Variants in PCDH9 observed in about 807,000 individuals in gnomAD.
The protein encoded by PCDH9 is protocadherin 9.
Under a neutral mutation model 70.6 loss-of-function variants are expected in PCDH9, and 24 were observed. That is an observed-to-expected ratio of 0.34 (90% CI 0.25 to 0.48). PCDH9 has a LOEUF of 0.48. PCDH9 is among the 20% of genes least tolerant of loss of function. PCDH9 has a pLI of 0.99. For synonymous variants in PCDH9, 562 were observed against 558.5 expected, an observed-to-expected ratio of 1.01 and a Z score of -0.09; for missense variants, 1,281 against 1,503.6, an observed-to-expected ratio of 0.85 and a Z score of 2.45.
intron 2 of PCDH9, among the ~76,000 whole-genome samples, chr13:67,124,046 A>G (rs2086927757): frequency 6.6e-6 from 1 of 152,128 alleles, no homozygotes; most frequent in Non-Finnish European, 1.5e-5. Flanking sequence ...ATTCGTTGTA[A>G]TTTGTACAAT....
At chr13:66,483,855 G>A (rs1029354496) in intron 4 of PCDH9, among the ~76,000 whole-genome samples, 1 of 152,080 alleles carries the variant, frequency 6.6e-6, no homozygotes, top group Admixed American at 6.5e-5. Flanking sequence ...AAAAACTGGA[G>A]ACCCCTAGCG....
At chr13:66,932,370 C>T (rs1002746608) in intron 2 of PCDH9, among the ~76,000 whole-genome samples, 24 of 152,008 alleles carry the variant, frequency 1.6e-4, no homozygotes, top group Non-Finnish European at 3.2e-4. Flanking sequence ...TCGTGGAGTC[C>T]TCCATAATTC....
intron 3 of PCDH9, among the ~76,000 whole-genome samples, chr13:66,681,968 T>TATATATATATATA (rs1566502472): frequency 7.4e-5 from 11 of 148,512 alleles, no homozygotes; most frequent in South Asian, 2.1e-4. Flanking sequence ...TATATATATA[T>TATATATATATATA]TTGAGAGATT....
At chr13:66,400,023 T>C (rs1957161425) in intron 4 of PCDH9, among the ~76,000 whole-genome samples, 1 of 152,204 alleles carries the variant, frequency 6.6e-6, no homozygotes, top group African/African-American at 2.4e-5. Context: ...CCCAGTGCAG[T>C]CTACAGCATT....
chr13:66,838,122 T>C (rs1416649595), intron 3 of PCDH9, among the ~76,000 whole-genome samples: 1 of 152,220 alleles, frequency 6.6e-6, no homozygotes, highest in Non-Finnish European at 1.5e-5. Context: ...TGTATTCATG[T>C]TACAGAACAT....
At chr13:66,903,702 C>A in intron 2 of PCDH9, 97 bp from the exon 3 acceptor site, 1 of 532,636 alleles carries the variant, frequency 1.9e-6, no homozygotes. Context: ...TAAAGGAATA[C>A]CACTTGAGCT....
intron 4 of PCDH9, among the ~76,000 whole-genome samples, chr13:66,402,039 G>A (rs903877289): frequency 9.2e-5 from 14 of 152,124 alleles, no homozygotes; most frequent in Admixed American, 5.2e-4. Flanking sequence ...TTATGGGCAG[G>A]GAGATATTAG....
chr13:66,814,803 C>A (rs538273476), intron 3 of PCDH9, among the ~76,000 whole-genome samples: 1 of 151,974 alleles, frequency 6.6e-6, no homozygotes, highest in East Asian at 1.9e-4. Flanking sequence ...AACTAGAAAA[C>A]CCTTGGAAGA....
intron 4 of PCDH9, among the ~76,000 whole-genome samples, chr13:66,525,187 C>G (rs1960158711): frequency 1.3e-5 from 2 of 152,108 alleles, no homozygotes; most frequent in Non-Finnish European, 2.9e-5. Flanking sequence ...CTTCTCCACT[C>G]TCTTTAACCC....
chr13:66,824,836 A>G (rs1245421376), intron 3 of PCDH9, among the ~76,000 whole-genome samples: 1 of 151,714 alleles, frequency 6.6e-6, no homozygotes, highest in Non-Finnish European at 1.5e-5. Flanking sequence ...AATGGAGCGT[A>G]TTCCAGAAAT....
chr13:66,477,615 T>C (rs1033019986), intron 4 of PCDH9, among the ~76,000 whole-genome samples: 8 of 152,176 alleles, frequency 5.3e-5, no homozygotes, highest in African/African-American at 1.9e-4. Context: ...GAGATAATAA[T>C]ACCTAACTCT....
chr13:66,443,514 C>T (rs992904171), intron 4 of PCDH9, among the ~76,000 whole-genome samples: 9 of 151,926 alleles, frequency 5.9e-5, no homozygotes, highest in African/African-American at 2.2e-4. Flanking sequence ...TTTTAAAATG[C>T]TCATAATTAA....
At chr13:67,184,529 G>A (rs967992556) in intron 2 of PCDH9, among the ~76,000 whole-genome samples, 1 of 152,116 alleles carries the variant, frequency 6.6e-6, no homozygotes, top group African/African-American at 2.4e-5. Context: ...AGAAATTCAA[G>A]ACCAGCCAGA....
chr13:66,530,484 T>C (rs948010257), intron 4 of PCDH9, among the ~76,000 whole-genome samples: 1 of 152,050 alleles, frequency 6.6e-6, no homozygotes, highest in Non-Finnish European at 1.5e-5. Flanking sequence ...AGTGTCTTTA[T>C]GGTATCTTTT....
At chr13:66,707,112 C>A (rs1014506439) in intron 3 of PCDH9, among the ~76,000 whole-genome samples, 3 of 152,082 alleles carry the variant, frequency 2.0e-5, no homozygotes, top group African/African-American at 7.2e-5. Context: ...CTTACCCCCA[C>A]AAAAAATCAG....
chr13:66,616,400 GT>G (rs139846605), intron 4 of PCDH9, among the ~76,000 whole-genome samples: 111,496 of 145,110 alleles, frequency 0.77, 42,813 homozygotes, highest in Admixed American at 0.84. Flanking sequence ...CCTATCAGAA[GT>G]TTTTTTTTTT....
chr13:66,472,748 A>C (rs1006193726), intron 4 of PCDH9, among the ~76,000 whole-genome samples: 3 of 152,164 alleles, frequency 2.0e-5, no homozygotes, highest in Non-Finnish European at 4.4e-5. Flanking sequence ...TTTATGGTTT[A>C]AGCATCCAAG....
At chr13:66,947,366 T>G (rs1363374493) in intron 2 of PCDH9, among the ~76,000 whole-genome samples, 1 of 152,134 alleles carries the variant, frequency 6.6e-6, no homozygotes, top group Non-Finnish European at 1.5e-5. Context: ...TAGTGTAAAT[T>G]TTACTGTAAA....
chr13:66,795,163 AG>A (rs2080222421), intron 3 of PCDH9, among the ~76,000 whole-genome samples: 1 of 152,154 alleles, frequency 6.6e-6, no homozygotes, highest in Non-Finnish European at 1.5e-5. Flanking sequence ...GCTTGGGACC[AG>A]AAGAGTTGTG....
Sources: gnomAD v4.1 joint callset for allele counts (sites outside exome capture counted in the v4.1 genomes callset) on GRCh38, gnomAD v4.1.1 for gene constraint, MANE v1.5 for transcripts, NCBI Gene and HGNC (gene_info 2026-07-23, HGNC 2026-07-21) for gene names.